The following PRR16 variants were observed in gnomAD, a reference collection of about 807,000 sequenced individuals.
PRR16 encodes protein Largen.
Under a neutral mutation model 18.2 loss-of-function variants are expected in PRR16, and 6 were observed. The observed-to-expected ratio is 0.33, with a 90% confidence interval of 0.18 to 0.65. The LOEUF is 0.65. Ranked by LOEUF, PRR16 falls within the 30% of genes least tolerant of loss-of-function variation. The pLI is 0.74. For synonymous variants in PRR16, 151 were observed against 147.8 expected (o/e 1.02, Z -0.16); for missense variants, 412 against 376.6 (o/e 1.09, Z -0.78).
At chr5:120,714,445 T>C in the PRR16 span, among the ~76,000 whole-genome samples, 1 of 152,162 alleles carries the variant, frequency 6.6e-6, no homozygotes, top group Admixed American at 6.5e-5. Flanking sequence ...TGAGATACCA[T>C]CTTGCACCAG....
intron 1 of PRR16, among the ~76,000 whole-genome samples, chr5:120,674,204 A>T (rs1756715320): frequency 6.6e-6 from 1 of 152,066 alleles, no homozygotes; most frequent in Non-Finnish European, 1.5e-5. Context: ...ATAGAAAAAA[A>T]TTGTCCTTCA....
intron 1 of PRR16, among the ~76,000 whole-genome samples, chr5:120,499,533 G>T (rs1750377135): frequency 6.6e-6 from 1 of 151,926 alleles, no homozygotes; most frequent in Admixed American, 6.6e-5. Context: ...CTTCTGTTCT[G>T]CTATTGATTC....
intron 1 of PRR16, among the ~76,000 whole-genome samples, chr5:120,657,639 A>T (rs1453152233): frequency 6.6e-6 from 1 of 151,950 alleles, no homozygotes; most frequent in Non-Finnish European, 1.5e-5. Context: ...GGAGCTAAAC[A>T]AGTGGCTTCT....
At chr5:120,751,524 T>C in the PRR16 span, among the ~76,000 whole-genome samples, 1 of 152,156 alleles carries the variant, frequency 6.6e-6, no homozygotes, top group Non-Finnish European at 1.5e-5. Flanking sequence ...ATTTCTCTGA[T>C]GATTAGTGAT....
At chr5:120,569,070 A>G (rs1455072282) in intron 1 of PRR16, among the ~76,000 whole-genome samples, 1 of 151,994 alleles carries the variant, frequency 6.6e-6, no homozygotes, top group Non-Finnish European at 1.5e-5. Flanking sequence ...CATTCTATAC[A>G]TGCCTCTAAT....
chr5:120,768,919 C>A, the PRR16 span, among the ~76,000 whole-genome samples: 1 of 151,644 alleles, frequency 6.6e-6, no homozygotes, highest in Non-Finnish European at 1.5e-5. Flanking sequence ...CGATGTCATT[C>A]ATTATCTCCT....
the PRR16 span, among the ~76,000 whole-genome samples, chr5:120,732,267 C>G: frequency 6.6e-6 from 1 of 152,156 alleles, no homozygotes; most frequent in Non-Finnish European, 1.5e-5. Flanking sequence ...GGCTGGCTTA[C>G]ACATCTTCAT....
the PRR16 span, among the ~76,000 whole-genome samples, chr5:120,744,850 G>A: frequency 1.3e-5 from 2 of 152,056 alleles, no homozygotes; most frequent in Non-Finnish European, 2.9e-5. Context: ...GTCAATGGGG[G>A]GTAAAGTGGG....
At chr5:120,773,505 G>T in the PRR16 span, among the ~76,000 whole-genome samples, 230 of 152,206 alleles carry the variant, frequency 1.5e-3, 1 homozygote, top group African/African-American at 5.3e-3. Flanking sequence ...TTTTCAAAAG[G>T]TTTCCAGAAG....
intron 1 of PRR16, among the ~76,000 whole-genome samples, chr5:120,472,227 G>C (rs1749292308): frequency 6.6e-6 from 1 of 152,022 alleles, no homozygotes; most frequent in Non-Finnish European, 1.5e-5. Flanking sequence ...TCCTTGTCTG[G>C]AAAAAGAAAA....
intron 1 of PRR16, among the ~76,000 whole-genome samples, chr5:120,537,999 A>G (rs1751783036): frequency 6.6e-6 from 1 of 151,394 alleles, no homozygotes; most frequent in Non-Finnish European, 1.5e-5. Flanking sequence ...GATGGTCTCA[A>G]TCTCCTGACC....
At chr5:120,641,028 C>G (rs1398205109) in intron 1 of PRR16, among the ~76,000 whole-genome samples, 1 of 152,004 alleles carries the variant, frequency 6.6e-6, no homozygotes, top group Non-Finnish European at 1.5e-5. Flanking sequence ...CCTTGGCAAC[C>G]AGAAGAGCAG....
At chr5:120,739,889 A>T in the PRR16 span, among the ~76,000 whole-genome samples, 2 of 151,054 alleles carry the variant, frequency 1.3e-5, no homozygotes, top group South Asian at 4.2e-4. Context: ...GCTTCAAATA[A>T]ATTACTGAAA....
chr5:120,784,369 A>G, the PRR16 span, among the ~76,000 whole-genome samples: 58,093 of 151,980 alleles, frequency 0.38, 11,280 homozygotes, highest in African/African-American at 0.4. Context: ...GCTAGCATTT[A>G]TTATTTTCTC....
intron 1 of PRR16, among the ~76,000 whole-genome samples, chr5:120,554,143 C>T (rs1418032178): frequency 2.0e-5 from 3 of 151,948 alleles, no homozygotes; most frequent in Non-Finnish European, 4.4e-5. Context: ...GAACCAGATG[C>T]GTAGGCAGGA....
At chr5:120,771,634 G>A in the PRR16 span, among the ~76,000 whole-genome samples, 1 of 151,968 alleles carries the variant, frequency 6.6e-6, no homozygotes, top group Non-Finnish European at 1.5e-5. Context: ...CAAAGGAGAT[G>A]GCTGGATGTC....
intron 1 of PRR16, among the ~76,000 whole-genome samples, chr5:120,626,938 T>G (rs1165676701): frequency 6.6e-6 from 1 of 152,138 alleles, no homozygotes; most frequent in African/African-American, 2.4e-5. Flanking sequence ...TCATTTAAAA[T>G]TTGTCTTTTC....
At chr5:120,705,988 A>G in the PRR16 span, among the ~76,000 whole-genome samples, 7 of 152,324 alleles carry the variant, frequency 4.6e-5, no homozygotes, top group African/African-American at 7.2e-5. Context: ...TTCACATTGT[A>G]TCTTTCATCA....
At chr5:120,737,754 GGTTT>G in the PRR16 span, among the ~76,000 whole-genome samples, 1 of 151,024 alleles carries the variant, frequency 6.6e-6, no homozygotes, top group Non-Finnish European at 1.5e-5. Context: ...TTGTTTTGTT[GGTTT>G]GTTTGGATAT....
Sources: gnomAD v4.1 joint callset for allele counts (sites outside exome capture counted in the v4.1 genomes callset) on GRCh38, gnomAD v4.1.1 for gene constraint, MANE v1.5 for transcripts, NCBI Gene and HGNC (gene_info 2026-07-23, HGNC 2026-07-21) for gene names.